The following LRRFIP1 variants were observed in gnomAD, a reference collection of about 807,000 sequenced individuals.
LRRFIP1 encodes LRR binding FLII interacting protein 1, also known as leucine-rich repeat flightless-interacting protein 1.
In LRRFIP1, 62 loss-of-function variants were observed where a neutral mutation model predicts 104.4. That is an observed-to-expected ratio of 0.59 (90% confidence interval 0.48 to 0.73). The LOEUF is 0.73. Among genes scored for constraint, LRRFIP1 ranks in the 30% least tolerant of loss-of-function variants. The probability of loss-of-function intolerance (pLI) is 0.00; values close to 1 mark genes in which losing one functional copy is unlikely to be tolerated. For missense variants in LRRFIP1, 796 were observed against 824.5 expected, an observed-to-expected ratio of 0.97 and a Z score of 0.42; for synonymous variants, 300 against 299.0, an observed-to-expected ratio of 1.00 and a Z score of -0.03.
At chr2:237,742,922 T>G (rs2057312282) in intron 11 of LRRFIP1, among the ~76,000 whole-genome samples, 1 of 151,974 alleles carries the variant, frequency 6.6e-6, no homozygotes, top group African/African-American at 2.4e-5. Context: ...ATGTCACAGC[T>G]CTCATTCCTG....
chr2:237,656,452 T>C (rs2086830459), intron 1 of LRRFIP1, among the ~76,000 whole-genome samples: 1 of 152,240 alleles, frequency 6.6e-6, no homozygotes, highest in African/African-American at 2.4e-5. Context: ...AAATACTTGC[T>C]GAGGAAGGTA....
Position 237,703,561 on chromosome 2 carries a change from A to G in LRRFIP1, c.97-4983A>G, listed in dbSNP as rs1016567469. ...TTGTCACCAGCTCCTGGTCGCAGCC[A>G]CCCCGGCTCTGCTTGTCCTGTTTCA... On this transcript the variant is annotated intron_variant, in intron 1 of 23. Coordinates refer to ENST00000308482, the MANE Select transcript of LRRFIP1 (RefSeq NM_001137550.2). This position sits in a 1 kb window ranked among gnomAD's most constrained non-coding sequence, Gnocchi z 4.3. Among the ~76,000 whole-genome samples the G allele has an allele frequency of 2.0e-5, 3 of 151,404 alleles. No homozygotes were observed. The highest frequency in any genetic ancestry group is 7.3e-5 in the African/African-American group (3 of 41,112).
intron 16 of LRRFIP1, 65 bp downstream of exon 16, chr2:237,756,252 C>A (rs2059251348): frequency 8.4e-7 from 1 of 1,192,744 alleles, no homozygotes; most frequent in Non-Finnish European, 1.2e-6. Context: ...CAGGCCATGA[C>A]TATCTTAGCT....
chr2:237,682,485 A>G (rs977607568), intron 1 of LRRFIP1, among the ~76,000 whole-genome samples: 2 of 152,212 alleles, frequency 1.3e-5, no homozygotes, highest in African/African-American at 4.8e-5. Context: ...CCTTCTGCAC[A>G]GGTCACTTGC....
intron 1 of LRRFIP1, among the ~76,000 whole-genome samples, chr2:237,633,036 G>A (rs569673505): frequency 5.4e-4 from 83 of 152,348 alleles, no homozygotes; most frequent in African/African-American, 1.9e-3. Context: ...CATTGGGGCT[G>A]GGCCCTGCCC....
intron 7 of LRRFIP1, among the ~76,000 whole-genome samples, chr2:237,724,231 G>A (rs1345431524): frequency 2.6e-5 from 4 of 152,174 alleles, no homozygotes; most frequent in African/African-American, 9.7e-5. Context: ...TTCTCAGAAA[G>A]CACAGCTCAG....
chr2:237,762,625 GA>G, intron 19 of LRRFIP1: 1 of 1,607,456 alleles, frequency 6.2e-7, no homozygotes, highest in South Asian at 1.1e-5. Context: ...AAGTGGAGGT[GA>G]AAAATGAAAT....
At chr2:237,733,127 C>T (rs1412145745) in intron 8 of LRRFIP1, among the ~76,000 whole-genome samples, 3 of 152,192 alleles carry the variant, frequency 2.0e-5, no homozygotes, top group East Asian at 1.9e-4. Flanking sequence ...GATTCTGTCC[C>T]GTGGCACAGT....
At chr2:237,764,395 CAAT>C (rs1183752953) in intron 19 of LRRFIP1, 295 of 1,411,356 alleles carry the variant, frequency 2.1e-4, no homozygotes, top group Non-Finnish European at 2.5e-4. Flanking sequence ...TAGTATCAAA[CAAT>C]AATGTCTACT....
Position 237,756,247 on chromosome 2 carries a change from C to A in LRRFIP1, c.1131+60C>A. The A allele has an allele frequency of 3.2e-6, 4 of 1,267,260 alleles. No individual in the cohort carries two copies. In the South Asian group the frequency reaches 4.9e-5, roughly 16 times the overall value. The allele number at this position is 1,267,260 out of a possible 1,614,324, so 78.5% of individuals were successfully genotyped here. On this transcript the variant is annotated intron_variant, in intron 16 of 23. Transcript: ENST00000308482. ...TTCCCTTTGGAGCATTTTGTCAGGC[C>A]ATGACTATCTTAGCTTAGGCTGCAG...
chr2:237,723,712 C>T (rs2094618120), intron 7 of LRRFIP1, 126 bp downstream of exon 7: 2 of 1,164,620 alleles, frequency 1.7e-6, no homozygotes, highest in Non-Finnish European at 2.6e-6. Context: ...GCTATGAGGC[C>T]AGGAGGGCAG....
At chr2:237,772,007 T>C in intron 20 of LRRFIP1, 74 bp from the exon 21 acceptor site, 1 of 1,003,490 alleles carries the variant, frequency 1.0e-6, no homozygotes, top group Non-Finnish European at 1.6e-6. Context: ...TCCTTTCTGA[T>C]GGGCTCTAAC....
chr2:237,673,727 G>A (rs1235682526), intron 1 of LRRFIP1, among the ~76,000 whole-genome samples: 2 of 152,170 alleles, frequency 1.3e-5, no homozygotes, highest in Non-Finnish European at 2.9e-5. Flanking sequence ...GTACCGTTTG[G>A]GGACAATTCA....
In LRRFIP1 at chr2:237,757,561, A is replaced by G. The variant is rs919223162; in HGVS notation, c.1224+13A>G. 4.5e-6 allele frequency: 7 copies of G among 1,548,562 alleles called. No individual in the cohort carries two copies. In the African/African-American group the frequency reaches 6.8e-5, roughly 15 times the overall value. ...CAAAAAGATAGGGGTAGGATTCCCA[A>G]GTCTTGAAAATCTACTCAAATGGGC... On this transcript the variant is annotated intron_variant, in intron 17 of 23. Coordinates refer to ENST00000308482, the MANE Select transcript of LRRFIP1 (RefSeq NM_001137550.2).
At position 237,772,157 on chromosome 2, in the gene LRRFIP1, T is replaced by G; in HGVS notation, c.1586T>G (p.Val529Gly). The part of the protein sequence containing the change: ...KLDNLRSEDD[V>G]LENGTDMHVM... ...GACAATCTTCGATCTGAAGATGATG[T>G]CTTGGAAAACGGGACAGACATGCAT... The change falls in exon 21 of 24, where the codon GTC (valine) becomes GGC (glycine). Residue 529 changes from valine (V) to glycine (G), a missense_variant. Transcript: ENST00000308482. The G allele has an allele frequency of 6.2e-7, 1 of 1,613,912 alleles. No individual in the cohort carries two copies. Among genetic ancestry groups the G allele is most frequent in the South Asian group, 1.1e-5 (1 of 91,076 alleles).
chr2:237,705,118 A>G (rs1336827998), intron 1 of LRRFIP1, among the ~76,000 whole-genome samples: 1 of 152,142 alleles, frequency 6.6e-6, no homozygotes, highest in African/African-American at 2.4e-5. Flanking sequence ...GAGCTCTGCA[A>G]GGACCTTTGG....
chr2:237,740,530 C>T (rs55948570), intron 11 of LRRFIP1, among the ~76,000 whole-genome samples: 20,933 of 152,130 alleles, frequency 0.14, 1,839 homozygotes, highest in East Asian at 0.33. Flanking sequence ...ATTTCTGTAA[C>T]GTTCCTAGTA....
intron 1 of LRRFIP1, among the ~76,000 whole-genome samples, chr2:237,694,300 G>A (rs953349940): frequency 6.6e-6 from 1 of 152,194 alleles, no homozygotes; most frequent in Non-Finnish European, 1.5e-5. Flanking sequence ...GGCCCCAAGG[G>A]TTTTCAGAGA....
intron 1 of LRRFIP1, among the ~76,000 whole-genome samples, chr2:237,652,758 A>C (rs956955661): frequency 1.1e-4 from 17 of 152,166 alleles, no homozygotes; most frequent in Non-Finnish European, 7.3e-5. Flanking sequence ...GGCCAAGGAG[A>C]GAGGACTGCC....
Sources: gnomAD v4.1 joint callset for allele counts (sites outside exome capture counted in the v4.1 genomes callset) on GRCh38, gnomAD v4.1.1 for gene constraint, Gnocchi (gnomAD v3.1) non-coding constraint, MANE v1.5 for transcripts, NCBI Gene and HGNC (gene_info 2026-07-23, HGNC 2026-07-21) for gene names.